The following ADAMTS20 variants were observed in gnomAD, a reference collection of about 807,000 sequenced individuals.
The protein encoded by ADAMTS20 is A disintegrin and metalloproteinase with thrombospondin motifs 20.
In ADAMTS20, 225 loss-of-function variants were observed where a neutral mutation model predicts 260.1. The ratio of observed to expected loss-of-function variants is 0.87; its 90% CI spans 0.78 to 0.97. The LOEUF (loss-of-function observed/expected upper bound fraction) is 0.97, where lower values mean the gene tolerates loss of function less well. Ranked by LOEUF, ADAMTS20 falls within the 50% of genes least tolerant of loss-of-function variation. The probability of loss-of-function intolerance (pLI) is 0.00; values close to 1 mark genes in which losing one functional copy is unlikely to be tolerated. For synonymous variants in ADAMTS20, 802 were observed against 769.5 expected (o/e 1.04, Z -0.70); for missense variants, 2,400 against 2,337.7 (o/e 1.03, Z -0.55).
intron 37 of ADAMTS20, 87 bp from the exon 38 acceptor site, chr12:43,356,675 T>A: frequency 1.2e-6 from 1 of 864,144 alleles, no homozygotes; most frequent in Non-Finnish European, 1.8e-6. Flanking sequence ...AAGGGGCAAC[T>A]GAATTAATAC....
At chr12:43,538,214 C>T (rs118081940) in intron 2 of ADAMTS20, among the ~76,000 whole-genome samples, 1 of 152,194 alleles carries the variant, frequency 6.6e-6, no homozygotes, top group Non-Finnish European at 1.5e-5. Flanking sequence ...GCCATTTTCA[C>T]TGGGGTGAGA....
intron 28 of ADAMTS20, among the ~76,000 whole-genome samples, chr12:43,409,052 G>A (rs544857971): frequency 6.9e-6 from 1 of 145,356 alleles, no homozygotes; most frequent in East Asian, 2.3e-4. Context: ...CAAATCCTGA[G>A]TGTGTTTTTA....
At chr12:43,477,176 G>A (rs1173975154) in intron 7 of ADAMTS20, among the ~76,000 whole-genome samples, 1 of 151,790 alleles carries the variant, frequency 6.6e-6, no homozygotes, top group African/African-American at 2.4e-5. Context: ...TATGTACACA[G>A]GAGTGGCAGA....
chr12:43,494,584 T>A (rs1942650181), intron 4 of ADAMTS20, among the ~76,000 whole-genome samples: 1 of 152,210 alleles, frequency 6.6e-6, no homozygotes, highest in Non-Finnish European at 1.5e-5. Flanking sequence ...ACTTTGGCTC[T>A]GGTGGTAGCA....
chr12:43,547,345 T>C (rs1322331490), intron 2 of ADAMTS20, among the ~76,000 whole-genome samples: 2 of 151,970 alleles, frequency 1.3e-5, no homozygotes, highest in Middle Eastern at 3.2e-3. Context: ...ACTCAGTAGA[T>C]ACTGGAGGGG....
intron 37 of ADAMTS20, among the ~76,000 whole-genome samples, chr12:43,363,553 T>C (rs1939920627): frequency 6.6e-6 from 1 of 152,150 alleles, no homozygotes; most frequent in Admixed American, 6.5e-5. Context: ...TGGGCCACTG[T>C]CCCTGTCCCC....
intron 28 of ADAMTS20, among the ~76,000 whole-genome samples, chr12:43,425,172 C>T (rs538572999): frequency 2.3e-4 from 35 of 152,292 alleles, no homozygotes; most frequent in Admixed American, 1.6e-3. Flanking sequence ...AAGCCAAACA[C>T]TCCATGTTCT....
chr12:43,491,292 G>A lies in ADAMTS20; in HGVS notation c.1077-857C>T, dbSNP rs576905891. Among the ~76,000 whole-genome samples the A allele has an allele frequency of 5.1e-4, 78 of 152,176 alleles. 2 individuals are homozygous for A. The highest frequency in any genetic ancestry group is 1.7e-3 in the African/African-American group (72 of 41,540). The stretch of plus-strand genomic sequence containing the variant: ...GTAGGCTATACCATATTGCCTTGGT[G>A]TGTAGTAGACTACACCATCCAGGTT... On this transcript the variant is annotated intron_variant, in intron 6 of 38. Coordinates refer to ENST00000389420, the MANE Select transcript of ADAMTS20 (RefSeq NM_025003.5).
intron 4 of ADAMTS20, among the ~76,000 whole-genome samples, chr12:43,497,883 T>C (rs7138521): frequency 0.092 from 14,072 of 152,162 alleles, 810 homozygotes; most frequent in Admixed American, 0.2. Flanking sequence ...GTCAAACCCT[T>C]ACAAACACAA....
At position 43,430,432 on chromosome 12, in the gene ADAMTS20, C is replaced by T; in HGVS notation, c.3301G>A (p.Val1101Ile). 6.2e-7 allele frequency: 1 copy of T among 1,613,098 alleles called. No homozygotes were observed. The highest frequency in any genetic ancestry group is 1.7e-5 in the Admixed American group (1 of 59,976). The change falls in exon 23 of 39, where the codon GTT becomes ATT. Residue 1101 changes from valine (V) to isoleucine (I), a missense_variant. Coordinates refer to ENST00000389420, the MANE Select transcript of ADAMTS20 (RefSeq NM_025003.5). ...CTAGCTAGCTCATTGACACATTTAA[C>T]ATCTCGCATCTGATACCCATGTCCA... Reference protein sequence around the residue: ...TCGHGYQMRDVKCVNELASAV... With the variant: ...TCGHGYQMRDIKCVNELASAV...
rs988556921 is a variant in ADAMTS20, at chr12:43,432,577, T to G, written c.2931+24A>C. 2.5e-6 allele frequency: 4 copies of G among 1,609,642 alleles called. No individual in the cohort carries two copies. The African/African-American group carries it at 5.3e-5, about 22-fold the overall frequency. On this transcript the variant is annotated intron_variant, in intron 20 of 38. Coordinates refer to ENST00000389420, the MANE Select transcript of ADAMTS20 (RefSeq NM_025003.5). ...AATTAGAAAGAAAGGGGCAACTTTT[T>G]TTAAGCAATCATTTTTATTGTACCT... is the stretch of plus-strand genomic sequence containing the variant.
intron 6 of ADAMTS20, 23 bp downstream of exon 6, chr12:43,492,482 A>G (rs757266526): frequency 6.8e-6 from 11 of 1,611,972 alleles, no homozygotes; most frequent in Non-Finnish European, 8.5e-6. Context: ...ATTGTATGGG[A>G]AGGGTTATTT....
At chr12:43,404,454 T>C (rs978723476) in intron 28 of ADAMTS20, among the ~76,000 whole-genome samples, 2 of 152,160 alleles carry the variant, frequency 1.3e-5, no homozygotes, top group Non-Finnish European at 2.9e-5. Context: ...ATCCTCAATT[T>C]TAGCTATAAA....
In ADAMTS20 at chr12:43,532,049, A is replaced by G; in HGVS notation, c.600T>C (p.Tyr200=). 1 of 1,591,676 alleles carries G rather than the reference A, an allele frequency of 6.3e-7. No individual in the cohort carries two copies. The highest frequency in any genetic ancestry group is 8.6e-7 in the Non-Finnish European group (1 of 1,168,376). ...TTCACAGTTTACCTGACACACTGCA[A>G]TACTTCAGAGTCTGCAGAAAAGAGT... The part of the protein sequence containing the change: ...LNNSFLQTLK[Y]CSVSESQIKE... The change falls in exon 3 of 39, where the codon TAT becomes TAC. Residue 200 remains tyrosine (Y), a synonymous_variant. Coordinates refer to ENST00000389420, the MANE Select transcript of ADAMTS20 (RefSeq NM_025003.5).
intron 7 of ADAMTS20, 146 bp downstream of exon 7, chr12:43,490,249 T>G: frequency 2.1e-6 from 1 of 465,898 alleles, no homozygotes; most frequent in Middle Eastern, 6.0e-4. Flanking sequence ...AGCAGCAGAA[T>G]GAAATAAGTG....
chr12:43,509,937 A>C (rs1446273382), intron 3 of ADAMTS20, among the ~76,000 whole-genome samples: 1 of 152,186 alleles, frequency 6.6e-6, no homozygotes, highest in African/African-American at 2.4e-5. Flanking sequence ...AACAGTATGA[A>C]TATTAGGAAG....
intron 15 of ADAMTS20, among the ~76,000 whole-genome samples, chr12:43,446,155 G>T (rs1941756167): frequency 6.6e-6 from 1 of 152,024 alleles, no homozygotes; most frequent in South Asian, 2.1e-4. Flanking sequence ...CTATTAATAA[G>T]AAATGTAACA....
At chr12:43,435,291 T>A (rs981989079) in intron 18 of ADAMTS20, among the ~76,000 whole-genome samples, 4 of 152,120 alleles carry the variant, frequency 2.6e-5, no homozygotes, top group African/African-American at 9.7e-5. Context: ...AAGATGAATA[T>A]GCAAACTTTC....
chr12:43,485,094 CAAAAAAAAA>C (rs59409245), intron 7 of ADAMTS20, among the ~76,000 whole-genome samples: 2 of 118,750 alleles, frequency 1.7e-5, no homozygotes, highest in Admixed American at 8.2e-5. Context: ...AGGACGTAGC[CAAAAAAAAA>C]AAAAAAAAGC....
Sources: gnomAD v4.1 joint callset for allele counts (sites outside exome capture counted in the v4.1 genomes callset) on GRCh38, gnomAD v4.1.1 for gene constraint, MANE v1.5 for transcripts, NCBI Gene and HGNC (gene_info 2026-07-23, HGNC 2026-07-21) for gene names.